Variants in FTO observed in about 807,000 individuals in gnomAD.
FTO encodes the protein alpha-ketoglutarate-dependent dioxygenase FTO.
A neutral mutation model predicts 63.9 loss-of-function variants in FTO; 47 were observed. The observed-to-expected ratio is 0.74, with a 90% CI of 0.58 to 0.94. FTO has a LOEUF of 0.94. Among genes scored for constraint, FTO ranks in the 40% least tolerant of loss-of-function variants. FTO has a pLI of 0.00. For missense variants in FTO, 562 were observed against 618.1 expected (o/e 0.91, Z 0.96); for synonymous variants, 207 against 224.4 (o/e 0.92, Z 0.69).
In FTO at chr16:53,929,571, C is replaced by T. The variant is rs565613561; in HGVS notation, c.1240-4414C>T. Reference sequence around the variant, plus strand: ...AGATAAATCCCTGTAAATGAAATTGCTAGGTCATATGCTAAACGTATGTTT... The same window carrying T: ...AGATAAATCCCTGTAAATGAAATTGTTAGGTCATATGCTAAACGTATGTTT... On this transcript the variant is annotated intron_variant, in intron 7 of 8. Transcript: ENST00000471389. 8.5e-4 allele frequency among the ~76,000 whole-genome samples: 129 copies of T among 152,264 alleles called. 1 individual carries two copies. The highest frequency in any genetic ancestry group is 2.9e-3 in the African/African-American group (122 of 41,558).
chr16:54,041,222 A>G (rs1335735612), intron 8 of FTO, among the ~76,000 whole-genome samples: 3 of 152,126 alleles, frequency 2.0e-5, no homozygotes, highest in African/African-American at 7.2e-5. Context: ...GCCTCAGGAA[A>G]CTTACATCAT....
intron 1 of FTO, among the ~76,000 whole-genome samples, chr16:53,803,640 A>G (rs905877559): frequency 5.3e-5 from 8 of 152,158 alleles, no homozygotes; most frequent in African/African-American, 1.9e-4. Flanking sequence ...GGTGTGGTGT[A>G]GTGGGTGTGG....
chr16:53,825,830 A>C, intron 2 of FTO, 34 bp from the exon 3 acceptor site: 1 of 1,607,258 alleles, frequency 6.2e-7, no homozygotes, highest in Non-Finnish European at 8.5e-7. Flanking sequence ...GTAGCTATAT[A>C]TCAACGTCTG....
chr16:53,756,409 A>G (rs2076925585), intron 1 of FTO, among the ~76,000 whole-genome samples: 1 of 152,140 alleles, frequency 6.6e-6, no homozygotes, highest in Non-Finnish European at 1.5e-5. Context: ...AAAATTTCAG[A>G]TTTCAAATGT....
chr16:53,920,394 A>T (rs1567437871), intron 7 of FTO, among the ~76,000 whole-genome samples: 1 of 152,146 alleles, frequency 6.6e-6, no homozygotes, highest in Non-Finnish European at 1.5e-5. Context: ...AATCACCAAA[A>T]ATAATTTTTT....
At chr16:53,995,450 C>T (rs888362171) in intron 8 of FTO, among the ~76,000 whole-genome samples, 10 of 152,138 alleles carry the variant, frequency 6.6e-5, no homozygotes, top group Non-Finnish European at 1.2e-4. Context: ...AACATTAAAC[C>T]CAGACACCAT....
intron 7 of FTO, chr16:53,911,111 T>C (rs936899105): frequency 1.9e-5 from 8 of 416,522 alleles, no homozygotes; most frequent in African/African-American, 1.2e-4. Context: ...TTGATTTATG[T>C]CTGCAGTAGG....
chr16:54,004,507 G>A (rs995730781), intron 8 of FTO, among the ~76,000 whole-genome samples: 6 of 151,980 alleles, frequency 3.9e-5, no homozygotes, highest in South Asian at 2.1e-4. Context: ...CTTTCAAATC[G>A]CATTTGATGT....
chr16:54,050,972 G>A (rs1050047123), intron 8 of FTO, among the ~76,000 whole-genome samples: 1 of 152,138 alleles, frequency 6.6e-6, no homozygotes, highest in East Asian at 1.9e-4. Context: ...AACTGAAATC[G>A]CACCACAAGC....
chr16:54,059,992 A>G (rs73621714), intron 8 of FTO, among the ~76,000 whole-genome samples: 312 of 152,264 alleles, frequency 2.0e-3, no homozygotes, highest in African/African-American at 7.3e-3. Context: ...GCATTTTGAC[A>G]TTCTGTGTGC....
rs145399939 is a variant in FTO at position 53,965,076 on chromosome 16, G to A, written c.1364+30967G>A. 4.8e-3 allele frequency among the ~76,000 whole-genome samples: 721 copies of A among 151,374 alleles called. 5 individuals are homozygous for A. The highest frequency in any genetic ancestry group is 0.017 in the African/African-American group (688 of 41,100). ...CCATTCCTGTAGTGATGAACCCCCCGCCCTTTTTTTGTTTTGAGATGGAGT... is the reference window on the plus strand; with the variant it reads ...CCATTCCTGTAGTGATGAACCCCCCACCCTTTTTTTGTTTTGAGATGGAGT... On this transcript the variant is annotated intron_variant, in intron 8 of 8. Transcript: ENST00000471389.
At chr16:54,016,737 T>C (rs7196211) in intron 8 of FTO, among the ~76,000 whole-genome samples, 24,753 of 152,092 alleles carry the variant, frequency 0.16, 2,961 homozygotes, top group African/African-American at 0.33. Flanking sequence ...TCTTGGTTGG[T>C]GGCACTCTGG....
At chr16:54,105,564 G>A (rs2086732782) in intron 8 of FTO, among the ~76,000 whole-genome samples, 1 of 152,188 alleles carries the variant, frequency 6.6e-6, no homozygotes, top group South Asian at 2.1e-4. Context: ...ACCTACCCCT[G>A]CCATCTCTCC....
At position 54,087,487 on chromosome 16, in the gene FTO, G is replaced by A. The variant is rs142561081; in HGVS notation, c.1365-24275G>A. On this transcript the variant is annotated intron_variant, in intron 8 of 8. Coordinates refer to ENST00000471389, the MANE Select transcript of FTO (RefSeq NM_001080432.3). ...AGCCCTACCTTTACTACAATGGCAA[G>A]GAATGTTGTAAATTCTCCCTCAAGA... 5.3e-3 allele frequency among the ~76,000 whole-genome samples: 811 copies of A among 152,224 alleles called. 4 individuals are homozygous for A. Among genetic ancestry groups the A allele is most frequent in the African/African-American group, 0.019 (777 of 41,534 alleles).
intron 8 of FTO, among the ~76,000 whole-genome samples, chr16:54,096,836 C>T (rs758536743): frequency 6.6e-6 from 1 of 152,112 alleles, no homozygotes; most frequent in African/African-American, 2.4e-5. Flanking sequence ...TCCCAAAGGC[C>T]GACCTTCAGA....
At chr16:54,015,930 C>T (rs1310790269) in intron 8 of FTO, among the ~76,000 whole-genome samples, 1 of 152,218 alleles carries the variant, frequency 6.6e-6, no homozygotes, top group Non-Finnish European at 1.5e-5. Flanking sequence ...CAGATCATTT[C>T]TGCCTACAGC....
In FTO at chr16:53,704,219, G is replaced by A; in HGVS notation, c.35G>A (p.Arg12His). 1 of 1,551,516 alleles carries A rather than the reference G, an allele frequency of 6.4e-7. No homozygotes were observed. Among genetic ancestry groups the A allele is most frequent in the Non-Finnish European group, 8.7e-7 (1 of 1,146,826 alleles). Residue 12 changes from arginine (R) to histidine (H), a missense_variant, in exon 1 of 9, where the codon CGC (arginine) becomes CAC (histidine). Physicochemically the swap from Arg to His is conservative, Grantham distance 29. Coordinates refer to ENST00000471389, the MANE Select transcript of FTO (RefSeq NM_001080432.3). ...KRTPTAEERE[R>H]EAKKLRLLEE... Reference sequence around the variant, plus strand: ...ACCCCGACTGCCGAGGAACGAGAGCGCGAAGCTAAGGTATGTCGGGCTCCC... The same window carrying A: ...ACCCCGACTGCCGAGGAACGAGAGCACGAAGCTAAGGTATGTCGGGCTCCC...
chr16:54,077,525 A>C (rs1362251543), intron 8 of FTO, among the ~76,000 whole-genome samples: 2 of 152,100 alleles, frequency 1.3e-5, no homozygotes, highest in African/African-American at 4.8e-5. Flanking sequence ...CGCCTCCCCC[A>C]CCAAGCTACT....
At chr16:53,875,368 G>T (rs761745515) in intron 5 of FTO, among the ~76,000 whole-genome samples, 18 of 152,144 alleles carry the variant, frequency 1.2e-4, no homozygotes, top group Non-Finnish European at 2.5e-4. Flanking sequence ...TAAAAAGCTT[G>T]GGAAATATGT....
Sources: gnomAD v4.1 joint callset for allele counts (sites outside exome capture counted in the v4.1 genomes callset) on GRCh38, gnomAD v4.1.1 for gene constraint, MANE v1.5 for transcripts, NCBI Gene and HGNC (gene_info 2026-07-23, HGNC 2026-07-21) for gene names.